DNAH8: variants seen among roughly 807,000 people sequenced by gnomAD.
DNAH8 encodes the protein axonemal beta dynein heavy chain 8.
A neutral mutation model predicts 562.1 loss-of-function variants in DNAH8; 382 were observed. The observed-to-expected ratio is 0.68, with a 90% confidence interval of 0.63 to 0.74. DNAH8 has a LOEUF of 0.74. Among genes scored for constraint, DNAH8 ranks in the 30% least tolerant of loss-of-function variants. DNAH8 has a pLI of 0.00. For missense variants in DNAH8, 5,203 were observed against 5,620.4 expected, an observed-to-expected ratio of 0.93 and a Z score of 2.37; for synonymous variants, 1,881 against 1,919.4, an observed-to-expected ratio of 0.98 and a Z score of 0.52.
At chr6:38,928,999 A>G (rs941186528) in intron 74 of DNAH8, among the ~76,000 whole-genome samples, 5 of 152,182 alleles carry the variant, frequency 3.3e-5, no homozygotes, top group Admixed American at 2.0e-4. Flanking sequence ...GACTTTACGG[A>G]AAGTGTTAAA....
chr6:38,940,199 G>A (rs769813955), intron 79 of DNAH8, among the ~76,000 whole-genome samples: 1 of 152,166 alleles, frequency 6.6e-6, no homozygotes, highest in African/African-American at 2.4e-5. Flanking sequence ...CTTCCCAACT[G>A]CAGGAATACA....
At chr6:38,899,969 G>T in intron 62 of DNAH8, 63 bp downstream of exon 62, 3 of 1,337,464 alleles carry the variant, frequency 2.2e-6, no homozygotes, top group Non-Finnish European at 3.0e-6. Context: ...TAAATGTTTA[G>T]AAAAAAAGGA....
At chr6:38,922,372 G>A (rs1248045135) in intron 71 of DNAH8, among the ~76,000 whole-genome samples, 1 of 151,920 alleles carries the variant, frequency 6.6e-6, no homozygotes, top group Non-Finnish European at 1.5e-5. Context: ...TAACGTCACT[G>A]AGCACAGATT....
intron 9 of DNAH8, among the ~76,000 whole-genome samples, chr6:38,753,397 A>G (rs1765637278): frequency 6.6e-6 from 1 of 152,202 alleles, no homozygotes; most frequent in South Asian, 2.1e-4. Context: ...CAAGCATTTC[A>G]GATTGCTCAC....
At chr6:38,835,642 C>T (rs1429436055) in intron 32 of DNAH8, among the ~76,000 whole-genome samples, 2 of 152,012 alleles carry the variant, frequency 1.3e-5, no homozygotes, top group African/African-American at 2.4e-5. Flanking sequence ...AAAGGCCCGG[C>T]AGAGAGGAAA....
At chr6:38,906,904 C>A (rs1345036640) in intron 63 of DNAH8, among the ~76,000 whole-genome samples, 1 of 152,158 alleles carries the variant, frequency 6.6e-6, no homozygotes, top group African/African-American at 2.4e-5. Flanking sequence ...AAATCTGAAA[C>A]TTTTTGAGCA....
chr6:39,004,605 A>G (rs193044818), intron 88 of DNAH8, among the ~76,000 whole-genome samples: 5 of 152,322 alleles, frequency 3.3e-5, no homozygotes, highest in African/African-American at 1.2e-4. Context: ...TGGACAATAA[A>G]TGATTTCTAG....
chr6:38,855,376 A>G (rs1337429983), intron 41 of DNAH8, among the ~76,000 whole-genome samples: 2 of 152,240 alleles, frequency 1.3e-5, no homozygotes, highest in Non-Finnish European at 2.9e-5. Flanking sequence ...TAAATAAAAT[A>G]AAAATAAAAT....
chr6:38,811,152 A>G (rs1249260442), intron 24 of DNAH8, among the ~76,000 whole-genome samples: 1 of 152,206 alleles, frequency 6.6e-6, no homozygotes. Flanking sequence ...TTAATGCTAG[A>G]AAAAACCTCA....
At chr6:39,004,226 T>C (rs1765660509) in intron 88 of DNAH8, among the ~76,000 whole-genome samples, 1 of 152,134 alleles carries the variant, frequency 6.6e-6, no homozygotes, top group Admixed American at 6.5e-5. Context: ...AATAAATAAA[T>C]AATAAATAAA....
chr6:38,803,017 T>C (rs1240708808), intron 21 of DNAH8, among the ~76,000 whole-genome samples, 162 bp from the exon 22 acceptor site: 1 of 152,246 alleles, frequency 6.6e-6, no homozygotes, highest in Non-Finnish European at 1.5e-5. Flanking sequence ...CTTTTAGCCA[T>C]TGACAATTTT....
intron 64 of DNAH8, among the ~76,000 whole-genome samples, 158 bp from the exon 65 acceptor site, chr6:38,909,360 C>T (rs1780709803): frequency 6.6e-6 from 1 of 151,998 alleles, no homozygotes; most frequent in South Asian, 2.1e-4. Context: ...ATATTTCCTC[C>T]CTTCATCACA....
rs1775911672 is a variant in DNAH8, at chr6:38,853,307, G to A, written c.5693G>A (p.Gly1898Glu). Residue 1898 changes from glycine (G) to glutamate (E), a missense_variant, in exon 41 of 93, where the codon GGA becomes GAA. Transcript: ENST00000327475. Reference protein sequence around the residue: ...RSAFYQISDSGFQLLPFLSHF... With the variant: ...RSAFYQISDSEFQLLPFLSHF... ...GCTTTCTATCAAATCAGTGATTCAG[G>A]ATTTCAACTCTTACCATTCCTCAGC... 1 of 1,613,392 alleles carries A rather than the reference G, an allele frequency of 6.2e-7. No homozygotes were observed. The highest frequency in any genetic ancestry group is 8.5e-7 in the Non-Finnish European group (1 of 1,179,730).
chr6:38,725,268 A>C (rs534450444), intron 3 of DNAH8, among the ~76,000 whole-genome samples: 22 of 149,416 alleles, frequency 1.5e-4, no homozygotes, highest in Non-Finnish European at 2.5e-4. Flanking sequence ...GTACCACTGC[A>C]CTCCATCCTG....
At chr6:38,790,946 C>T (rs189552171) in intron 20 of DNAH8, among the ~76,000 whole-genome samples, 1 of 152,218 alleles carries the variant, frequency 6.6e-6, no homozygotes, top group East Asian at 1.9e-4. Flanking sequence ...GATGGTTCAA[C>T]TTCACACTGT....
chr6:38,824,401 A>G (rs1293776442), intron 28 of DNAH8, among the ~76,000 whole-genome samples: 2 of 152,116 alleles, frequency 1.3e-5, no homozygotes, highest in African/African-American at 4.8e-5. Context: ...TGACTAGTTG[A>G]CATTCAGAAG....
intron 26 of DNAH8, among the ~76,000 whole-genome samples, chr6:38,821,236 AT>A (rs1198580966): frequency 2.6e-5 from 4 of 152,206 alleles, no homozygotes; most frequent in Non-Finnish European, 4.4e-5. Context: ...AAATAAAACA[AT>A]TTAATGCACA....
Position 38,729,989 on chromosome 6 carries a change from A to G in DNAH8, c.610+3A>G. 1 of 1,523,238 alleles carries G rather than the reference A, an allele frequency of 6.6e-7. No individual in the cohort carries two copies. Among genetic ancestry groups the G allele is most frequent in the Non-Finnish European group, 9.1e-7 (1 of 1,103,178 alleles). 94.4% of individuals were successfully genotyped at this position (1,523,238 alleles called of 1,614,324 possible). A position where few individuals can be genotyped will look rare whatever the true frequency, so the allele number is the denominator to read the frequency against. ...AGAAGGAGATGTACCTGGTATTGGT[A>G]AGAATTTTCTGAGGGCAGTGTGCCA... On this transcript the variant is annotated splice_donor_region_variant and intron_variant, in intron 4 of 92. Coordinates refer to ENST00000327475, the MANE Select transcript of DNAH8 (RefSeq NM_001206927.2).
At chr6:38,870,043 C>T (rs1435048365) in intron 48 of DNAH8, among the ~76,000 whole-genome samples, 1 of 152,116 alleles carries the variant, frequency 6.6e-6, no homozygotes, top group African/African-American at 2.4e-5. Context: ...TGGCGGCAGG[C>T]AAGAGAGCAT....
Sources: allele counts gnomAD v4.1 joint callset (sites outside exome capture counted in the v4.1 genomes callset), GRCh38; gene constraint gnomAD v4.1.1; transcripts MANE v1.5; gene names NCBI Gene and HGNC (gene_info 2026-07-23, HGNC 2026-07-21).